The following MARCHF1 variants were observed in gnomAD, a reference collection of about 807,000 sequenced individuals.
MARCHF1 encodes E3 ubiquitin-protein ligase MARCHF1.
Under a neutral mutation model 54.2 loss-of-function variants are expected in MARCHF1, and 40 were observed. The observed-to-expected ratio is 0.74, with a 90% CI of 0.57 to 0.96. The LOEUF (loss-of-function observed/expected upper bound fraction) is 0.96, where lower values mean the gene tolerates loss of function less well. Among genes scored for constraint, MARCHF1 ranks in the 40% least tolerant of loss-of-function variants. The probability of loss-of-function intolerance (pLI) is 0.00; values close to 1 mark genes in which losing one functional copy is unlikely to be tolerated. For missense variants in MARCHF1, 586 were observed against 656.5 expected (o/e 0.89, Z 1.17); for synonymous variants, 236 against 236.3 (o/e 1.00, Z 0.01).
intron 8 of MARCHF1, chr4:163,583,690 C>G (rs984164234): frequency 3.6e-4 from 47 of 130,632 alleles, no homozygotes; most frequent in African/African-American, 1.4e-3. Flanking sequence ...GGCTCTGTCA[C>G]TCAGGCTTGA....
At chr4:164,249,102 T>A (rs751539597) in intron 1 of MARCHF1, among the ~76,000 whole-genome samples, 5 of 152,108 alleles carry the variant, frequency 3.3e-5, no homozygotes, top group Non-Finnish European at 7.4e-5. Context: ...AAGTTCTAAA[T>A]GAAAATATTT....
rs921378198 is a variant in MARCHF1 at position 164,305,163 on chromosome 4, G to T, written c.-323+78707C>A. Among the ~76,000 whole-genome samples, 8 of 152,088 alleles carry T rather than the reference G, an allele frequency of 5.3e-5. No individual in the cohort carries two copies. In the South Asian group the frequency reaches 1.7e-3, roughly 31 times the overall value. ...TACTAGTACTGTGAAATGGGAAAGT[G>T]ACCCCCAAAATGGCAAAATCCCCAC... On this transcript the variant is annotated intron_variant, in intron 1 of 9. Transcript: ENST00000514618.
At chr4:164,365,967 C>T (rs1051446291) in intron 1 of MARCHF1, among the ~76,000 whole-genome samples, 13 of 129,486 alleles carry the variant, frequency 1.0e-4, no homozygotes, top group African/African-American at 3.2e-4. Context: ...TTTTGATCAT[C>T]TCTCTCCCCT....
intron 2 of MARCHF1, among the ~76,000 whole-genome samples, chr4:164,053,539 G>A (rs6536782): frequency 0.69 from 104,967 of 152,042 alleles, 37,191 homozygotes; most frequent in Non-Finnish European, 0.78. Flanking sequence ...GTCTAGTAGA[G>A]CTTTTACAAT....
chr4:164,121,734 G>C (rs1461163186), intron 1 of MARCHF1, among the ~76,000 whole-genome samples: 1 of 152,094 alleles, frequency 6.6e-6, no homozygotes, highest in Non-Finnish European at 1.5e-5. Context: ...CGCAGGATCT[G>C]TTGGCCTCAC....
At chr4:163,790,419 T>A (rs1747743876) in intron 4 of MARCHF1, among the ~76,000 whole-genome samples, 1 of 152,068 alleles carries the variant, frequency 6.6e-6, no homozygotes, top group African/African-American at 2.4e-5. Flanking sequence ...CTGACTTCCA[T>A]CTGATGTAGT....
chr4:164,284,161 G>C (rs774580192), intron 1 of MARCHF1, among the ~76,000 whole-genome samples: 11 of 151,014 alleles, frequency 7.3e-5, no homozygotes, highest in Non-Finnish European at 7.4e-5. Context: ...TTAATGGGTA[G>C]GGAGAAAATA....
chr4:163,580,850 C>T lies in MARCHF1; in HGVS notation c.1191+4899G>A, dbSNP rs1248109225. Among the ~76,000 whole-genome samples, 4 of 41,284 alleles carry T rather than the reference C, an allele frequency of 9.7e-5. 2 individuals carry two copies. Among genetic ancestry groups the T allele is most frequent in the Non-Finnish European group, 2.0e-4 (4 of 19,956 alleles). The allele number at this position is 41,284 out of a possible 152,430, so 27.1% of individuals were successfully genotyped here. ...TCGCTCTGTCGCCCAGGTCGGACTGCGGACTGCAGTGGCGCAATCTCGGCT... is the reference window on the plus strand; with the variant it reads ...TCGCTCTGTCGCCCAGGTCGGACTGTGGACTGCAGTGGCGCAATCTCGGCT... On this transcript the variant is annotated intron_variant, in intron 8 of 9. Transcript: ENST00000514618.
chr4:164,185,216 T>A (rs1730935579), intron 1 of MARCHF1, among the ~76,000 whole-genome samples: 1 of 152,234 alleles, frequency 6.6e-6, no homozygotes, highest in African/African-American at 2.4e-5. Context: ...TGTTTGTATT[T>A]GCTGTATGTT....
chr4:164,316,363 C>G (rs1008796586), intron 1 of MARCHF1, among the ~76,000 whole-genome samples: 9 of 152,258 alleles, frequency 5.9e-5, no homozygotes, highest in African/African-American at 1.9e-4. Context: ...ATTCTGCTCA[C>G]CAGCTAGTTA....
intron 4 of MARCHF1, among the ~76,000 whole-genome samples, chr4:163,743,459 G>A (rs910337023): frequency 2.0e-5 from 3 of 151,980 alleles, no homozygotes; most frequent in African/African-American, 7.3e-5. Context: ...TTTTACCACC[G>A]TACCTGATTA....
chr4:163,813,367 T>G (rs150503626), intron 4 of MARCHF1, among the ~76,000 whole-genome samples: 2 of 152,332 alleles, frequency 1.3e-5, no homozygotes, highest in East Asian at 3.9e-4. Context: ...CCAAACTATT[T>G]TATTATCCTG....
intron 2 of MARCHF1, among the ~76,000 whole-genome samples, chr4:164,039,548 G>T (rs1022029547): frequency 2.0e-5 from 3 of 152,036 alleles, no homozygotes; most frequent in Non-Finnish European, 4.4e-5. Context: ...ACTGTCAAAG[G>T]GACCTATTCA....
At chr4:163,873,244 T>A (rs1291698912) in intron 3 of MARCHF1, among the ~76,000 whole-genome samples, 1 of 152,208 alleles carries the variant, frequency 6.6e-6, no homozygotes. Flanking sequence ...CTAGCTAGTT[T>A]ACACCTCAGT....
At chr4:163,913,966 G>C (rs531532058) in intron 3 of MARCHF1, among the ~76,000 whole-genome samples, 1 of 149,088 alleles carries the variant, frequency 6.7e-6, no homozygotes, top group East Asian at 2.0e-4. Flanking sequence ...ACTTACGAAA[G>C]GGATGTGACA....
chr4:163,930,891 G>T (rs991716347), intron 3 of MARCHF1, among the ~76,000 whole-genome samples: 1 of 152,032 alleles, frequency 6.6e-6, no homozygotes, highest in East Asian at 1.9e-4. Context: ...AACATATTTT[G>T]GGGGGTGGCA....
At chr4:164,075,543 AGAC>A (rs770895678) in intron 2 of MARCHF1, among the ~76,000 whole-genome samples, 2 of 152,228 alleles carry the variant, frequency 1.3e-5, no homozygotes. Flanking sequence ...ACCTGACATC[AGAC>A]ACATGTGCAA....
chr4:164,336,264 TAAG>T (rs1729736460), intron 1 of MARCHF1, among the ~76,000 whole-genome samples: 4 of 152,128 alleles, frequency 2.6e-5, no homozygotes, highest in African/African-American at 9.7e-5. Flanking sequence ...TAGTAAACAT[TAAG>T]AAGTGGTGTT....
chr4:163,808,502 C>T (rs996501188), intron 4 of MARCHF1, among the ~76,000 whole-genome samples: 11 of 152,240 alleles, frequency 7.2e-5, no homozygotes, highest in Admixed American at 4.6e-4. Context: ...AAAATGAGTA[C>T]AAATGAGGCC....
Sources: gnomAD v4.1 joint callset for allele counts (sites outside exome capture counted in the v4.1 genomes callset) on GRCh38, gnomAD v4.1.1 for gene constraint, MANE v1.5 for transcripts, NCBI Gene and HGNC (gene_info 2026-07-23, HGNC 2026-07-21) for gene names.